RBFOX2: variants seen among roughly 807,000 people sequenced by gnomAD.
RBFOX2 encodes RNA binding protein fox-1 homolog 2.
A neutral mutation model predicts 49.1 loss-of-function variants in RBFOX2; 10 were observed. The observed-to-expected ratio is 0.20, with a 90% CI of 0.13 to 0.35. RBFOX2 has a LOEUF of 0.35. Ranked by LOEUF, RBFOX2 falls within the 10% of genes least tolerant of loss-of-function variation. The pLI is 1.00. For missense variants in RBFOX2, 323 were observed against 486.9 expected, an observed-to-expected ratio of 0.66 and a Z score of 3.17; for synonymous variants, 183 against 187.4, an observed-to-expected ratio of 0.98 and a Z score of 0.19.
intron 2 of RBFOX2, among the ~76,000 whole-genome samples, chr22:35,795,628 CAAAAAAAAAAAA>C (rs139555281): frequency 6.0e-5 from 2 of 33,570 alleles, no homozygotes; most frequent in Non-Finnish European, 1.1e-4. Flanking sequence ...TGTAGAAAAG[CAAAAAAAAAAAA>C]AAAAAAAAAA....
chr22:35,874,816 C>A (rs548290053), intron 1 of RBFOX2, among the ~76,000 whole-genome samples: 4 of 152,218 alleles, frequency 2.6e-5, no homozygotes, highest in Admixed American at 6.5e-5. Context: ...GTGTTTGTGT[C>A]CCCCCAACTC....
chr22:35,828,652 T>A (rs1328528225), intron 1 of RBFOX2, among the ~76,000 whole-genome samples: 1 of 152,144 alleles, frequency 6.6e-6, no homozygotes, highest in Non-Finnish European at 1.5e-5. Context: ...AACCTAATGA[T>A]GTAAGGAGCA....
intron 1 of RBFOX2, among the ~76,000 whole-genome samples, chr22:36,006,829 G>A (rs1232223448): frequency 6.6e-6 from 1 of 152,104 alleles, no homozygotes; most frequent in Non-Finnish European, 1.5e-5. Flanking sequence ...TCCCACCCCA[G>A]CCAGATAAGA....
At chr22:35,859,262 G>A (rs770656514) in intron 1 of RBFOX2, among the ~76,000 whole-genome samples, 6 of 152,088 alleles carry the variant, frequency 3.9e-5, no homozygotes, top group Non-Finnish European at 7.4e-5. Flanking sequence ...AAAAAAACTA[G>A]CGGGAGTTTT....
chr22:35,961,830 A>G (rs2056238065), upstream of RBFOX2: 2 of 644,066 alleles, frequency 3.1e-6, no homozygotes, highest in Non-Finnish European at 3.9e-6. Flanking sequence ...CCTATGACTA[A>G]GAAAACACAG....
intron 1 of RBFOX2, among the ~76,000 whole-genome samples, chr22:35,870,221 A>C (rs889997066): frequency 6.6e-6 from 1 of 152,194 alleles, no homozygotes; most frequent in African/African-American, 2.4e-5. Flanking sequence ...ATTTAAAAAC[A>C]GTCATGGTTG....
intron 1 of RBFOX2, among the ~76,000 whole-genome samples, chr22:35,852,861 A>C (rs914361264): frequency 2.6e-5 from 4 of 152,254 alleles, no homozygotes; most frequent in Non-Finnish European, 4.4e-5. Flanking sequence ...CTGTAATTCA[A>C]ATCCTAAAAC....
At chr22:35,982,990 C>T (rs2057536351) in intron 1 of RBFOX2, among the ~76,000 whole-genome samples, 1 of 152,112 alleles carries the variant, frequency 6.6e-6, no homozygotes, top group Non-Finnish European at 1.5e-5. Context: ...TCTTCCCTTC[C>T]TCCCCTACAA....
intron 2 of RBFOX2, among the ~76,000 whole-genome samples, chr22:35,790,895 C>A (rs141538932): frequency 6.0e-4 from 91 of 152,164 alleles, no homozygotes; most frequent in Non-Finnish European, 8.7e-4. Flanking sequence ...GTACTCCCAG[C>A]TACTTGGGAG....
At chr22:35,912,141 T>G (rs1429515102) in intron 1 of RBFOX2, among the ~76,000 whole-genome samples, 1 of 152,162 alleles carries the variant, frequency 6.6e-6, no homozygotes, top group Non-Finnish European at 1.5e-5. Flanking sequence ...ATGGAACTAT[T>G]TGTTGAGGTG....
rs6000065 is a variant in RBFOX2 at position 36,020,010 on chromosome 22, T to C, written c.186+8230A>G. Among the ~76,000 whole-genome samples, 156 of 152,240 alleles carry C rather than the reference T, an allele frequency of 1.0e-3. 2 individuals carry two copies. Among genetic ancestry groups the C allele is most frequent in the South Asian group, 3.7e-3 (18 of 4,814 alleles). On this transcript the variant is annotated intron_variant, in intron 1 of 13. Transcript: ENST00000438146. ...GACTTCAAATTATACTACAAGGCTA[T>C]AGTAACCAAAACAGCATGGTACTGG...
At chr22:36,006,161 C>T (rs1486325520) in intron 1 of RBFOX2, among the ~76,000 whole-genome samples, 1 of 152,202 alleles carries the variant, frequency 6.6e-6, no homozygotes. Flanking sequence ...AAATTAAGCA[C>T]TTAAATGTTG....
At chr22:36,020,762 A>G (rs1287862468) in intron 1 of RBFOX2, among the ~76,000 whole-genome samples, 1 of 152,206 alleles carries the variant, frequency 6.6e-6, no homozygotes, top group Non-Finnish European at 1.5e-5. Flanking sequence ...GCTGGAGAGG[A>G]TGTGGAGAAA....
At chr22:35,772,603 C>T (rs541146780) in intron 4 of RBFOX2, among the ~76,000 whole-genome samples, 1 of 152,232 alleles carries the variant, frequency 6.6e-6, no homozygotes, top group South Asian at 2.1e-4. Flanking sequence ...AGTTTGCAGT[C>T]CTCAGAGCCC....
At chr22:35,855,610 T>C (rs2042420727) in intron 1 of RBFOX2, among the ~76,000 whole-genome samples, 1 of 149,244 alleles carries the variant, frequency 6.7e-6, no homozygotes, top group African/African-American at 2.4e-5. Context: ...AGCTTTGCCA[T>C]GTTGCCCAGG....
At chr22:35,886,690 ATTG>A (rs1385614606) in intron 1 of RBFOX2, among the ~76,000 whole-genome samples, 1 of 152,244 alleles carries the variant, frequency 6.6e-6, no homozygotes, top group Admixed American at 6.5e-5. Flanking sequence ...TAAAGATACA[ATTG>A]TTATTTATAC....
chr22:35,849,400 G>A (rs891088532), intron 1 of RBFOX2, among the ~76,000 whole-genome samples: 10 of 151,634 alleles, frequency 6.6e-5, no homozygotes, highest in Admixed American at 1.3e-4. Flanking sequence ...TTGTCTGGCC[G>A]CCAATACTAT....
chr22:36,000,142 G>C (rs1050895168), intron 1 of RBFOX2: 1 of 151,272 alleles, frequency 6.6e-6, no homozygotes, highest in South Asian at 2.1e-4. Context: ...CTAGGATTAC[G>C]GACACCCGCC....
At chr22:36,016,763 A>G (rs936363377) in intron 1 of RBFOX2, among the ~76,000 whole-genome samples, 3 of 152,194 alleles carry the variant, frequency 2.0e-5, no homozygotes, top group Non-Finnish European at 2.9e-5. Flanking sequence ...TCATTTGACA[A>G]TTCAAGAATG....
Sources: allele counts gnomAD v4.1 joint callset (sites outside exome capture counted in the v4.1 genomes callset), GRCh38; gene constraint gnomAD v4.1.1; transcripts MANE v1.5; gene names NCBI Gene and HGNC (gene_info 2026-07-23, HGNC 2026-07-21).